Variants in IL19 observed in about 807,000 individuals in gnomAD.
IL19 encodes interleukin-19.
In IL19, 15 loss-of-function variants were observed where a neutral mutation model predicts 19.5. The ratio of observed to expected loss-of-function variants is 0.77; its 90% CI spans 0.52 to 1.19. IL19 has a LOEUF of 1.19. Ranked by LOEUF, IL19 falls within the 50% of genes most tolerant of loss-of-function variation. The pLI is 0.00. For synonymous variants in IL19, 78 were observed against 78.3 expected, an observed-to-expected ratio of 1.00 and a Z score of 0.02; for missense variants, 199 against 213.1, an observed-to-expected ratio of 0.93 and a Z score of 0.41.
At chr1:206,827,177 T>G (rs1558619729) in intron 2 of IL19, among the ~76,000 whole-genome samples, 1 of 152,092 alleles carries the variant, frequency 6.6e-6, no homozygotes, top group Non-Finnish European at 1.5e-5. Context: ...ATTCTCTTTA[T>G]AGAAAATAAC....
chr1:206,830,615 G>A (rs1676571567), intron 2 of IL19, among the ~76,000 whole-genome samples: 1 of 151,722 alleles, frequency 6.6e-6, no homozygotes, highest in Non-Finnish European at 1.5e-5. Flanking sequence ...GTCTTGCTCT[G>A]TTGCCCAGGC....
At position 206,839,914 on chromosome 1, in the gene IL19, A is replaced by G. The variant is rs760119187; in HGVS notation, c.275A>G (p.Asp92Gly). The G allele has an allele frequency of 6.2e-7, 1 of 1,614,000 alleles. No individual in the cohort carries two copies. The highest frequency in any genetic ancestry group is 1.3e-5 in the African/African-American group (1 of 74,904). Residue 92 changes from aspartate (D) to glycine (G), a missense_variant, in exon 5 of 7, where the codon GAT becomes GGT. By Grantham distance (94) the Asp-to-Gly change is moderately conservative (BLOSUM62 -1). Coordinates refer to ENST00000659997, the MANE Select transcript of IL19 (RefSeq NM_153758.5). ...LAFYVDRVFKDHQEPNPKILR... is the reference protein window; with the variant it reads ...LAFYVDRVFKGHQEPNPKILR... ...TTCTACGTGGACAGGGTGTTCAAGG[A>G]TCATCAGGAGCCAAACCCCAAAATC...
intron 2 of IL19, among the ~76,000 whole-genome samples, chr1:206,803,614 G>GA (rs1675772982): frequency 6.6e-6 from 1 of 152,146 alleles, no homozygotes; most frequent in Non-Finnish European, 1.5e-5. Flanking sequence ...GAGAGAACAG[G>GA]AAAGGATTAT....
intron 2 of IL19, among the ~76,000 whole-genome samples, chr1:206,808,821 A>AC (rs1369016175): frequency 6.6e-6 from 1 of 151,996 alleles, no homozygotes; most frequent in Non-Finnish European, 1.5e-5. Flanking sequence ...GACAATAAGG[A>AC]CCCCTTGTGG....
chr1:206,791,592 C>T (rs1040747729), intron 1 of IL19, among the ~76,000 whole-genome samples: 1 of 152,194 alleles, frequency 6.6e-6, no homozygotes, highest in African/African-American at 2.4e-5. Context: ...CATGAGCCAC[C>T]ATGCCCAGTC....
rs762068047 is a variant in IL19, at chr1:206,836,977, C to T, written c.164C>T (p.Pro55Leu). The change falls in exon 4 of 7, where the codon CCA becomes CTA. Residue 55 changes from proline (P) to leucine (L), a missense_variant. Physicochemically the swap from Pro to Leu is moderately conservative, Grantham distance 98. Coordinates refer to ENST00000659997, the MANE Select transcript of IL19 (RefSeq NM_153758.5). ...CCACAGCAAGCTAAGGACACCTTCC[C>T]AAATGTCACTATCCTGTCCACATTG... ...KRAIQAKDTF[P>L]NVTILSTLET... The T allele has an allele frequency of 1.2e-6, 2 of 1,613,830 alleles. No individual in the cohort carries two copies. The highest frequency in any genetic ancestry group is 8.5e-7 in the Non-Finnish European group (1 of 1,179,750).
At chr1:206,832,537 CTTCT>C (rs1254855033) in intron 2 of IL19, among the ~76,000 whole-genome samples, 3 of 152,178 alleles carry the variant, frequency 2.0e-5, no homozygotes, top group Non-Finnish European at 4.4e-5. Context: ...TGTTTTCTTT[CTTCT>C]TTAAGATATA....
intron 1 of IL19, among the ~76,000 whole-genome samples, chr1:206,783,171 G>A (rs1675186610): frequency 1.3e-5 from 2 of 152,142 alleles, no homozygotes; most frequent in African/African-American, 4.8e-5. Context: ...TCAATCCCTG[G>A]TTGCCCACCT....
At chr1:206,825,054 C>A (rs994190209) in intron 2 of IL19, among the ~76,000 whole-genome samples, 8 of 152,194 alleles carry the variant, frequency 5.3e-5, no homozygotes, top group Non-Finnish European at 8.8e-5. Context: ...CTGCGCCAGG[C>A]CCCCTGAATC....
chr1:206,773,348 A>G (rs980618440), intron 1 of IL19, among the ~76,000 whole-genome samples: 33 of 152,196 alleles, frequency 2.2e-4, no homozygotes, highest in Non-Finnish European at 5.9e-5. Context: ...TCCTCACCCT[A>G]CTGTACACCA....
intron 4 of IL19, among the ~76,000 whole-genome samples, chr1:206,839,370 A>C (rs1435338716): frequency 2.0e-5 from 3 of 152,242 alleles, no homozygotes. Flanking sequence ...GGAGGAATGC[A>C]TACCTAGCAG....
chr1:206,783,655 T>C (rs1180606966), intron 1 of IL19, among the ~76,000 whole-genome samples: 1 of 152,186 alleles, frequency 6.6e-6, no homozygotes, highest in African/African-American at 2.4e-5. Flanking sequence ...CCCCCAGCCC[T>C]ACCCTGGGTC....
intron 2 of IL19, among the ~76,000 whole-genome samples, chr1:206,801,169 TA>T (rs56281649): frequency 1.7e-3 from 246 of 144,766 alleles, no homozygotes; most frequent in Non-Finnish European, 2.0e-3. Flanking sequence ...ATTCGTAGTT[TA>T]AAAAAAAAAA....
At chr1:206,796,921 C>T (rs1415533766) in intron 1 of IL19, among the ~76,000 whole-genome samples, 2 of 152,200 alleles carry the variant, frequency 1.3e-5, no homozygotes, top group African/African-American at 4.8e-5. Context: ...TCTGGATTCT[C>T]ACCCTTTGTC....
intron 2 of IL19, among the ~76,000 whole-genome samples, chr1:206,811,043 T>G (rs1186938653): frequency 6.6e-6 from 1 of 152,184 alleles, no homozygotes; most frequent in East Asian, 1.9e-4. Flanking sequence ...CGAGCCAAAA[T>G]AAACCTCTTT....
At chr1:206,783,760 C>A (rs1351766153) in intron 1 of IL19, among the ~76,000 whole-genome samples, 2 of 152,168 alleles carry the variant, frequency 1.3e-5, no homozygotes, top group African/African-American at 4.8e-5. Flanking sequence ...GCCCTGGAGT[C>A]GGACTGGGTT....
intron 1 of IL19, among the ~76,000 whole-genome samples, chr1:206,790,437 A>G (rs1339094935): frequency 6.6e-6 from 1 of 152,108 alleles, no homozygotes; most frequent in Non-Finnish European, 1.5e-5. Context: ...GAAGGAAAAT[A>G]CCCAGCACCT....
chr1:206,778,806 G>T (rs1675067057), intron 1 of IL19, among the ~76,000 whole-genome samples: 1 of 152,104 alleles, frequency 6.6e-6, no homozygotes, highest in African/African-American at 2.4e-5. Context: ...ATGATTTGTT[G>T]GTCCCTCCCT....
chr1:206,792,374 C>T (rs1675429171), intron 1 of IL19, among the ~76,000 whole-genome samples: 1 of 152,266 alleles, frequency 6.6e-6, no homozygotes, highest in East Asian at 1.9e-4. Context: ...CCTGACAGGG[C>T]CACCCTAGAA....
Sources: gnomAD v4.1 joint callset for allele counts (sites outside exome capture counted in the v4.1 genomes callset) on GRCh38, gnomAD v4.1.1 for gene constraint, MANE v1.5 for transcripts, NCBI Gene and HGNC (gene_info 2026-07-23, HGNC 2026-07-21) for gene names.